CEP126: variants seen among roughly 807,000 people sequenced by gnomAD.
CEP126 encodes the protein centrosomal protein of 126 kDa.
A neutral mutation model predicts 107.8 loss-of-function variants in CEP126; 74 were observed. The ratio of observed to expected loss-of-function variants is 0.69; its 90% CI spans 0.57 to 0.83. CEP126 has a LOEUF of 0.83. Among genes scored for constraint, CEP126 ranks in the 40% least tolerant of loss-of-function variants. CEP126 has a pLI of 0.00. For missense variants in CEP126, 1,237 were observed against 1,281.9 expected, an observed-to-expected ratio of 0.96 and a Z score of 0.53; for synonymous variants, 449 against 446.0, an observed-to-expected ratio of 1.01 and a Z score of -0.08.
intron 5 of CEP126, 58 bp from the exon 6 acceptor site, chr11:101,961,683 G>T: frequency 1.0e-6 from 1 of 963,148 alleles, no homozygotes; most frequent in Non-Finnish European, 1.5e-6. Context: ...ATGTTGAATC[G>T]TTAATCTTGG....
chr11:101,944,512 T>A, intron 3 of CEP126, 102 bp downstream of exon 3: 1 of 1,113,326 alleles, frequency 9.0e-7, no homozygotes, highest in Non-Finnish European at 1.3e-6. Context: ...GGAAACAAAC[T>A]AAAAAGACCA....
chr11:101,990,896 T>A (rs1401645156), intron 9 of CEP126, among the ~76,000 whole-genome samples: 1 of 152,062 alleles, frequency 6.6e-6, no homozygotes, highest in Non-Finnish European at 1.5e-5. Context: ...ATTACTGTTG[T>A]CGGCTACAGC....
chr11:101,978,903 T>A, intron 7 of CEP126, among the ~76,000 whole-genome samples: 1 of 151,846 alleles, frequency 6.6e-6, no homozygotes, highest in East Asian at 1.9e-4. Flanking sequence ...CCAAGGTGGG[T>A]GGATCACCTG....
At chr11:101,971,578 G>A (rs959364752) in intron 6 of CEP126, among the ~76,000 whole-genome samples, 1 of 151,652 alleles carries the variant, frequency 6.6e-6, no homozygotes, top group Admixed American at 6.6e-5. Flanking sequence ...GTTTTTTTAG[G>A]TGGGGACTCA....
chr11:101,964,380 C>A (rs1290116193), intron 6 of CEP126, among the ~76,000 whole-genome samples: 3 of 151,836 alleles, frequency 2.0e-5, no homozygotes, highest in African/African-American at 7.3e-5. Context: ...TGGCTGTAAT[C>A]CCAGCACTTT....
chr11:101,939,740 G>T (rs974025820), intron 2 of CEP126, among the ~76,000 whole-genome samples: 91 of 152,190 alleles, frequency 6.0e-4, no homozygotes, highest in African/African-American at 2.2e-3. Context: ...TGATAACTCA[G>T]ATATGAGATA....
At chr11:101,946,117 C>T (rs760543714) in intron 3 of CEP126, among the ~76,000 whole-genome samples, 10 of 151,966 alleles carry the variant, frequency 6.6e-5, no homozygotes, top group Non-Finnish European at 1.5e-4. Flanking sequence ...AGATAAGATT[C>T]ATGTTCATCC....
chr11:101,929,041 G>A (rs1940452518), intron 2 of CEP126, among the ~76,000 whole-genome samples: 1 of 152,024 alleles, frequency 6.6e-6, no homozygotes, highest in South Asian at 2.1e-4. Context: ...TTCAGTTGTT[G>A]CGTTTTTTAA....
intron 2 of CEP126, among the ~76,000 whole-genome samples, chr11:101,928,108 C>T (rs1433241387): frequency 1.3e-5 from 2 of 152,198 alleles, no homozygotes; most frequent in East Asian, 1.9e-4. Context: ...ACTTGTATTT[C>T]CCTAATTGCT....
intron 6 of CEP126, among the ~76,000 whole-genome samples, chr11:101,969,472 A>C (rs1941099208): frequency 6.6e-6 from 1 of 152,206 alleles, no homozygotes; most frequent in Non-Finnish European, 1.5e-5. Context: ...AAATTAAAGA[A>C]GATCTATGAA....
At chr11:101,923,818 A>G (rs1940368245) in intron 2 of CEP126, among the ~76,000 whole-genome samples, 3 of 152,162 alleles carry the variant, frequency 2.0e-5, no homozygotes, top group Admixed American at 2.0e-4. Context: ...GAATTAAAGG[A>G]TGTCTGTTTA....
In CEP126 at chr11:101,919,705, A is replaced by T. The variant is rs575877052; in HGVS notation, c.129-2936A>T. Among the ~76,000 whole-genome samples the T allele has an allele frequency of 2.6e-5, 4 of 152,360 alleles. No individual in the cohort carries two copies. In the East Asian group the frequency reaches 7.7e-4, roughly 29 times the overall value. On this transcript the variant is annotated intron_variant, in intron 1 of 10. Transcript: ENST00000263468. ...AAAGAAAGTAGAAAATCATTTGGTT[A>T]AATTGAAGACTATATAGTTGTCAGA...
intron 1 of CEP126, among the ~76,000 whole-genome samples, chr11:101,919,869 C>T (rs916208617): frequency 6.6e-6 from 1 of 152,158 alleles, no homozygotes; most frequent in African/African-American, 2.4e-5. Context: ...CTCATGTTGG[C>T]CCTGTGCACC....
At chr11:101,978,312 C>A in intron 6 of CEP126, 35 bp from the exon 7 acceptor site, 2 of 1,419,166 alleles carry the variant, frequency 1.4e-6, no homozygotes, top group Non-Finnish European at 2.0e-6. Context: ...ACTCAACTAG[C>A]ATAATTTTTA....
chr11:101,951,378 G>A (rs896745662), intron 4 of CEP126, among the ~76,000 whole-genome samples: 25 of 152,014 alleles, frequency 1.6e-4, no homozygotes, highest in Non-Finnish European at 2.6e-4. Flanking sequence ...TGGGCATGCT[G>A]GCACACACCT....
chr11:101,947,142 G>A (rs1351088368), intron 3 of CEP126, among the ~76,000 whole-genome samples: 1 of 151,910 alleles, frequency 6.6e-6, no homozygotes, highest in African/African-American at 2.4e-5. Context: ...TACAAACATT[G>A]TAATAATGGA....
chr11:101,964,185 C>T (rs186015046), intron 6 of CEP126, among the ~76,000 whole-genome samples: 3 of 151,626 alleles, frequency 2.0e-5, no homozygotes, highest in African/African-American at 4.8e-5. Flanking sequence ...TGCCTATAGT[C>T]CCAGCTACTC....
chr11:101,943,859 G>GA (rs1940699938), intron 2 of CEP126, among the ~76,000 whole-genome samples: 1 of 151,988 alleles, frequency 6.6e-6, no homozygotes, highest in Admixed American at 6.6e-5. Context: ...AAAAGAAAAA[G>GA]AAAAATGTAC....
At chr11:101,995,293 A>G (rs992670029) in intron 10 of CEP126, among the ~76,000 whole-genome samples, 8 of 152,154 alleles carry the variant, frequency 5.3e-5, no homozygotes, top group African/African-American at 1.9e-4. Flanking sequence ...ACTAGGTAAT[A>G]CCAATGCTGC....
Sources: gnomAD v4.1 joint callset for allele counts (sites outside exome capture counted in the v4.1 genomes callset) on GRCh38, gnomAD v4.1.1 for gene constraint, MANE v1.5 for transcripts, NCBI Gene and HGNC (gene_info 2026-07-23, HGNC 2026-07-21) for gene names.